Variants in RNGTT observed in about 807,000 individuals in gnomAD.
RNGTT encodes mRNA-capping enzyme.
Under a neutral mutation model 79.3 loss-of-function variants are expected in RNGTT, and 33 were observed. The ratio of observed to expected loss-of-function variants is 0.42; its 90% confidence interval spans 0.32 to 0.56. The LOEUF is 0.56. RNGTT is among the 20% of genes least tolerant of loss of function. The pLI is 0.17. For synonymous variants in RNGTT, 222 were observed against 235.9 expected (o/e 0.94, Z 0.54); for missense variants, 497 against 739.1 (o/e 0.67, Z 3.80).
intron 11 of RNGTT, among the ~76,000 whole-genome samples, chr6:88,838,545 A>C (rs1462640738): frequency 6.6e-6 from 1 of 152,178 alleles, no homozygotes; most frequent in Non-Finnish European, 1.5e-5. Context: ...TATGAAATAA[A>C]TCTGAAAAAA....
At chr6:88,895,561 G>T (rs1783216598) in intron 6 of RNGTT, among the ~76,000 whole-genome samples, 1 of 152,082 alleles carries the variant, frequency 6.6e-6, no homozygotes, top group Non-Finnish European at 1.5e-5. Context: ...TGAATACATA[G>T]TTATATCAAT....
chr6:88,801,493 T>C (rs781709977), intron 12 of RNGTT, 71 bp downstream of exon 12: 28 of 1,177,186 alleles, frequency 2.4e-5, no homozygotes, highest in Non-Finnish European at 2.9e-5. Context: ...TATGTGTATG[T>C]ATATGTATAT....
chr6:88,625,073 A>G (rs1325884475), intron 14 of RNGTT, among the ~76,000 whole-genome samples: 1 of 151,990 alleles, frequency 6.6e-6, no homozygotes, highest in Non-Finnish European at 1.5e-5. Flanking sequence ...TATATTGACA[A>G]TATCAAAGTG....
intron 14 of RNGTT, among the ~76,000 whole-genome samples, chr6:88,640,661 A>G (rs1773280571): frequency 6.6e-6 from 1 of 152,114 alleles, no homozygotes; most frequent in African/African-American, 2.4e-5. Flanking sequence ...TTCAAAACTG[A>G]GGTTTTAAAA....
intron 13 of RNGTT, among the ~76,000 whole-genome samples, chr6:88,722,093 A>C (rs1776728556): frequency 6.6e-6 from 1 of 151,088 alleles, no homozygotes. Context: ...TCCATCACCT[A>C]GTATCTATCA....
intron 13 of RNGTT, among the ~76,000 whole-genome samples, chr6:88,715,546 C>T (rs1198813194): frequency 2.0e-5 from 3 of 152,154 alleles, no homozygotes; most frequent in African/African-American, 7.2e-5. Flanking sequence ...GGAGGCATCA[C>T]ACTACTTGAC....
chr6:88,751,461 T>A (rs890209031), intron 13 of RNGTT, among the ~76,000 whole-genome samples: 1 of 152,156 alleles, frequency 6.6e-6, no homozygotes, highest in African/African-American at 2.4e-5. Context: ...TTAACTATAG[T>A]AATTTAGAGT....
chr6:88,854,095 G>C (rs1052266510), intron 8 of RNGTT, among the ~76,000 whole-genome samples: 3 of 149,970 alleles, frequency 2.0e-5, no homozygotes, highest in Admixed American at 2.0e-4. Flanking sequence ...CAGCTAATTT[G>C]TTTGTTTTTT....
intron 11 of RNGTT, among the ~76,000 whole-genome samples, chr6:88,829,518 C>T (rs932756126): frequency 2.0e-5 from 3 of 152,134 alleles, no homozygotes; most frequent in Admixed American, 1.3e-4. Flanking sequence ...CAAATTCATA[C>T]ACAACAATAT....
chr6:88,664,395 A>G (rs1333944434), intron 14 of RNGTT, among the ~76,000 whole-genome samples: 4 of 152,208 alleles, frequency 2.6e-5, no homozygotes, highest in Non-Finnish European at 5.9e-5. Flanking sequence ...ATTAGGAGAA[A>G]GCTGAAGAAA....
At chr6:88,634,133 T>C (rs1261925595) in intron 14 of RNGTT, among the ~76,000 whole-genome samples, 1 of 152,128 alleles carries the variant, frequency 6.6e-6, no homozygotes, top group Admixed American at 6.6e-5. Flanking sequence ...ACTTTAAACA[T>C]GCAAATTTTA....
chr6:88,956,511 G>GTTGGAATCCCAAA (rs1384620497), intron 1 of RNGTT, among the ~76,000 whole-genome samples: 1 of 152,192 alleles, frequency 6.6e-6, no homozygotes, highest in African/African-American at 2.4e-5. Flanking sequence ...CCAAAAGACA[G>GTTGGAATCCCAAA]AGAAAGGGAA....
At chr6:88,898,292 A>G (rs1336438836) in intron 6 of RNGTT, among the ~76,000 whole-genome samples, 1 of 152,160 alleles carries the variant, frequency 6.6e-6, no homozygotes, top group African/African-American at 2.4e-5. Flanking sequence ...CCATGAAATC[A>G]TACTGTTAAA....
At chr6:88,870,623 C>T (rs1160597431) in intron 8 of RNGTT, among the ~76,000 whole-genome samples, 2 of 151,890 alleles carry the variant, frequency 1.3e-5, no homozygotes, top group African/African-American at 4.8e-5. Context: ...AAAAACACTT[C>T]TAGGGACTTT....
intron 8 of RNGTT, among the ~76,000 whole-genome samples, chr6:88,878,860 T>C (rs1427465899): frequency 2.6e-5 from 4 of 152,192 alleles, no homozygotes; most frequent in South Asian, 2.1e-4. Context: ...AAATAAGATA[T>C]ACTTTTTTGT....
intron 14 of RNGTT, among the ~76,000 whole-genome samples, chr6:88,657,716 G>A (rs138990888): frequency 2.0e-5 from 3 of 152,256 alleles, no homozygotes; most frequent in East Asian, 1.9e-4. Flanking sequence ...TGGTGCTGTC[G>A]GTGGGGCACA....
intron 8 of RNGTT, among the ~76,000 whole-genome samples, chr6:88,860,897 A>G (rs1781994044): frequency 1.3e-5 from 2 of 151,988 alleles, no homozygotes; most frequent in African/African-American, 4.8e-5. Context: ...GCTAAATGTA[A>G]GGAGGTTTAA....
intron 13 of RNGTT, among the ~76,000 whole-genome samples, chr6:88,731,235 T>C (rs1232424821): frequency 6.6e-6 from 1 of 152,180 alleles, no homozygotes; most frequent in Non-Finnish European, 1.5e-5. Context: ...CATCTACATG[T>C]GCAGCAAAAC....
chr6:88,693,759 C>T (rs956024625), intron 13 of RNGTT, among the ~76,000 whole-genome samples: 3 of 152,126 alleles, frequency 2.0e-5, no homozygotes, highest in African/African-American at 7.2e-5. Context: ...ACACCACAAT[C>T]AGTAGGATTT....
Sources: gnomAD v4.1 joint callset for allele counts (sites outside exome capture counted in the v4.1 genomes callset) on GRCh38, gnomAD v4.1.1 for gene constraint, MANE v1.5 for transcripts, NCBI Gene and HGNC (gene_info 2026-07-23, HGNC 2026-07-21) for gene names.